CACHD1: variants seen among roughly 807,000 people sequenced by gnomAD.
CACHD1 encodes VWFA and cache domain-containing protein 1.
CACHD1 carries 71 observed loss-of-function variants against 138.7 expected under a neutral mutation model. The ratio of observed to expected loss-of-function variants is 0.51; its 90% CI spans 0.42 to 0.62. The LOEUF is 0.62. Ranked by LOEUF, CACHD1 falls within the 20% of genes least tolerant of loss-of-function variation. The probability of loss-of-function intolerance (pLI) is 0.00; values close to 1 mark genes in which losing one functional copy is unlikely to be tolerated. For synonymous variants in CACHD1, 578 were observed against 591.5 expected (o/e 0.98, Z 0.33); for missense variants, 1,389 against 1,625.3 (o/e 0.85, Z 2.50).
At chr1:64,668,000 C>T (rs1649690160) in intron 16 of CACHD1, among the ~76,000 whole-genome samples, 1 of 152,180 alleles carries the variant, frequency 6.6e-6, no homozygotes. Context: ...CCAAGTGAAT[C>T]ACAATGGAAA....
rs11208498 is a variant in CACHD1, at chr1:64,666,872, A to G, written c.2387+705A>G. 2.6e-4 allele frequency among the ~76,000 whole-genome samples: 36 copies of G among 138,022 alleles called. 2 individuals are homozygous for G. The highest frequency in any genetic ancestry group is 7.8e-4 in the African/African-American group (27 of 34,638). 90.5% of individuals were successfully genotyped at this position (138,022 alleles called of 152,430 possible). On this transcript the variant is annotated intron_variant, in intron 16 of 26. Transcript: ENST00000651257. ...TCAAAAAAAAAAAAAAAAAAAAAAA[A>G]CGAGAAAGAAAAAGTACCAAGATAT...
intron 1 of CACHD1, among the ~76,000 whole-genome samples, chr1:64,477,909 C>T (rs1365241904): frequency 6.6e-6 from 1 of 152,048 alleles, no homozygotes; most frequent in African/African-American, 2.4e-5. Flanking sequence ...GCTGGGATTA[C>T]AGGCGTGAGC....
At chr1:64,533,136 G>T (rs1646602419) in intron 1 of CACHD1, among the ~76,000 whole-genome samples, 1 of 152,168 alleles carries the variant, frequency 6.6e-6, no homozygotes, top group Non-Finnish European at 1.5e-5. Flanking sequence ...CGGGTGAATT[G>T]CTTGAGGCCA....
At chr1:64,659,798 A>G (rs1649384489) in intron 13 of CACHD1, among the ~76,000 whole-genome samples, 1 of 152,252 alleles carries the variant, frequency 6.6e-6, no homozygotes, top group South Asian at 2.1e-4. Flanking sequence ...AATAACGAAG[A>G]ATCATCACAC....
At chr1:64,662,716 A>G (rs565963513) in intron 13 of CACHD1, among the ~76,000 whole-genome samples, 1 of 152,328 alleles carries the variant, frequency 6.6e-6, no homozygotes, top group South Asian at 2.1e-4. Flanking sequence ...TTTGTTCTGC[A>G]CTGTGATTCA....
chr1:64,565,763 T>C (rs1184807978), intron 2 of CACHD1, among the ~76,000 whole-genome samples: 1 of 152,212 alleles, frequency 6.6e-6, no homozygotes, highest in Non-Finnish European at 1.5e-5. Flanking sequence ...CTTAATGACA[T>C]AAGAAGAGCA....
At chr1:64,513,627 G>T (rs1646437764) in intron 1 of CACHD1, among the ~76,000 whole-genome samples, 2 of 152,288 alleles carry the variant, frequency 1.3e-5, no homozygotes, top group Non-Finnish European at 2.9e-5. Flanking sequence ...GCCAGGAATG[G>T]TAGCCATGAA....
chr1:64,690,848 C>T (rs969021628), intron 26 of CACHD1, among the ~76,000 whole-genome samples: 7 of 152,232 alleles, frequency 4.6e-5, no homozygotes, highest in Non-Finnish European at 1.0e-4. Flanking sequence ...CCCAGATTTC[C>T]GCACCAGCCC....
chr1:64,587,306 A>G, intron 3 of CACHD1, among the ~76,000 whole-genome samples: 1 of 152,220 alleles, frequency 6.6e-6, no homozygotes, highest in South Asian at 2.1e-4. Context: ...ATTATAATCC[A>G]TATTTGGTTT....
At chr1:64,621,246 T>A (rs1228146739) in intron 4 of CACHD1, among the ~76,000 whole-genome samples, 4 of 152,178 alleles carry the variant, frequency 2.6e-5, no homozygotes, top group Non-Finnish European at 5.9e-5. Context: ...CATTAAATTT[T>A]TTCCATATGT....
chr1:64,606,327 A>G (rs905753075), intron 4 of CACHD1, among the ~76,000 whole-genome samples: 1 of 152,130 alleles, frequency 6.6e-6, no homozygotes, highest in Non-Finnish European at 1.5e-5. Context: ...GATCTGAGTA[A>G]GTGGGATTGT....
chr1:64,513,108 T>G (rs1237628536), intron 1 of CACHD1, among the ~76,000 whole-genome samples: 1 of 152,240 alleles, frequency 6.6e-6, no homozygotes, highest in Non-Finnish European at 1.5e-5. Context: ...AGATTATCCA[T>G]CTGCAAATTT....
In CACHD1 at chr1:64,542,951, G is replaced by A. The variant is rs547374907; in HGVS notation, c.199-7643G>A. Among the ~76,000 whole-genome samples, 171 of 151,432 alleles carry A rather than the reference G, an allele frequency of 1.1e-3. 1 individual carries two copies. The highest frequency in any genetic ancestry group is 4.0e-3 in the African/African-American group (166 of 41,210). On this transcript the variant is annotated intron_variant, in intron 1 of 26. Transcript: ENST00000651257. ...GCATTCCAGGCCCTTGGGATACATG[G>A]CAACATTATGATACATAGTACATCC...
intron 4 of CACHD1, 23 bp from the exon 5 acceptor site, chr1:64,629,331 AT>A: frequency 6.2e-7 from 1 of 1,612,064 alleles, no homozygotes; most frequent in Non-Finnish European, 8.5e-7. Context: ...TGGTGGTTAT[AT>A]TTCATTTTCC....
chr1:64,552,359 G>A (rs897059409), intron 2 of CACHD1, among the ~76,000 whole-genome samples: 1 of 152,068 alleles, frequency 6.6e-6, no homozygotes, highest in African/African-American at 2.4e-5. Flanking sequence ...AGGAAATTGG[G>A]GCTCCAAGAG....
chr1:64,521,856 G>T (rs11208459), intron 1 of CACHD1, among the ~76,000 whole-genome samples: 122,388 of 152,162 alleles, frequency 0.8, 49,851 homozygotes, highest in Non-Finnish European at 0.87. Context: ...GCTTTATATA[G>T]TCTAGATACA....
rs532247848 is a variant in CACHD1, at chr1:64,650,977, A to G, written c.1391-1184A>G. ...AGACGTGGCACAACTTACCAAACCC[A>G]GCAGGGAAGCCAGGAGGAGAAACCA... On this transcript the variant is annotated intron_variant, in intron 9 of 26. Coordinates refer to ENST00000651257, the MANE Select transcript of CACHD1 (RefSeq NM_020925.4). 4.0e-5 allele frequency among the ~76,000 whole-genome samples: 6 copies of G among 151,736 alleles called. No individual in the cohort carries two copies. The South Asian group carries it at 1.3e-3, about 32-fold the overall frequency.
intron 4 of CACHD1, among the ~76,000 whole-genome samples, chr1:64,612,329 C>G (rs1297175593): frequency 6.6e-6 from 1 of 152,150 alleles, no homozygotes; most frequent in Admixed American, 6.5e-5. Flanking sequence ...TTTACCTTTT[C>G]TATCATACTG....
chr1:64,505,519 G>A (rs1397991031), intron 1 of CACHD1, among the ~76,000 whole-genome samples: 1 of 151,318 alleles, frequency 6.6e-6, no homozygotes, highest in Non-Finnish European at 1.5e-5. Flanking sequence ...GTAGCCAGAA[G>A]GGACCTCCCC....
Sources: gnomAD v4.1 joint callset for allele counts (sites outside exome capture counted in the v4.1 genomes callset) on GRCh38, gnomAD v4.1.1 for gene constraint, MANE v1.5 for transcripts, NCBI Gene and HGNC (gene_info 2026-07-23, HGNC 2026-07-21) for gene names.